TNS3: variants seen among roughly 807,000 people sequenced by gnomAD.
TNS3 encodes the protein tensin-3.
In TNS3, 45 loss-of-function variants were observed where a neutral mutation model predicts 140.9. The ratio of observed to expected loss-of-function variants is 0.32; its 90% CI spans 0.25 to 0.41. TNS3 has a LOEUF of 0.41. Among genes scored for constraint, TNS3 ranks in the 10% least tolerant of loss-of-function variants. The probability of loss-of-function intolerance (pLI) is 1.00; values close to 1 mark genes in which losing one functional copy is unlikely to be tolerated. For synonymous variants in TNS3, 815 were observed against 788.4 expected (o/e 1.03, Z -0.56); for missense variants, 1,716 against 1,906.7 (o/e 0.90, Z 1.86).
At chr7:47,410,152 G>A (rs1046857005) in intron 13 of TNS3, among the ~76,000 whole-genome samples, 2 of 152,276 alleles carry the variant, frequency 1.3e-5, no homozygotes, top group East Asian at 3.9e-4. Context: ...ACCACAGGAT[G>A]TGAGGAACAC....
chr7:47,399,072 C>T (rs888931918), intron 15 of TNS3, among the ~76,000 whole-genome samples: 2 of 108,108 alleles, frequency 1.8e-5, no homozygotes, highest in African/African-American at 6.4e-5. Context: ...ATTCTTTTTA[C>T]GACAGCTGAA....
At chr7:47,433,900 TCTCTCTC>T (rs1795047367) in intron 8 of TNS3, among the ~76,000 whole-genome samples, 1 of 151,134 alleles carries the variant, frequency 6.6e-6, no homozygotes, top group African/African-American at 2.5e-5. Flanking sequence ...TCTCTCTCTC[TCTCTCTC>T]TCTCTCTCTC....
intron 8 of TNS3, among the ~76,000 whole-genome samples, chr7:47,434,368 T>C (rs1466448268): frequency 2.6e-5 from 4 of 151,228 alleles, no homozygotes; most frequent in Non-Finnish European, 4.4e-5. Context: ...ACTTTGATGG[T>C]CCTAAGAATG....
chr7:47,297,798 T>A (rs2150667924), intron 23 of TNS3, among the ~76,000 whole-genome samples: 1 of 151,068 alleles, frequency 6.6e-6, no homozygotes, highest in East Asian at 1.9e-4. Context: ...TTTTTTTTTT[T>A]TTTTTTTGAG....
At chr7:47,419,171 C>G (rs985108395) in intron 10 of TNS3, among the ~76,000 whole-genome samples, 1 of 152,250 alleles carries the variant, frequency 6.6e-6, no homozygotes, top group African/African-American at 2.4e-5. Context: ...TCAGAGTAGA[C>G]CACAACACAT....
intron 16 of TNS3, among the ~76,000 whole-genome samples, chr7:47,394,070 T>C (rs1792685878): frequency 6.6e-6 from 1 of 152,210 alleles, no homozygotes; most frequent in Non-Finnish European, 1.5e-5. Context: ...GCTCAGAAGA[T>C]GCTGCATGAA....
intron 4 of TNS3, among the ~76,000 whole-genome samples, chr7:47,446,142 CT>C (rs1291587335): frequency 2.0e-5 from 3 of 152,184 alleles, no homozygotes; most frequent in Non-Finnish European, 2.9e-5. Context: ...GAGATAGAGT[CT>C]TGCTGTTGCA....
intron 20 of TNS3, among the ~76,000 whole-genome samples, chr7:47,342,475 G>T (rs1789075815): frequency 6.6e-6 from 1 of 152,208 alleles, no homozygotes; most frequent in South Asian, 2.1e-4. Context: ...TTTTAGATAA[G>T]GAGGTGGAGG....
chr7:47,440,615 T>C (rs1008109468), intron 5 of TNS3, among the ~76,000 whole-genome samples: 3 of 152,114 alleles, frequency 2.0e-5, no homozygotes, highest in Admixed American at 2.0e-4. Flanking sequence ...AGACCACAGA[T>C]TCTCCACCAG....
At chr7:47,506,878 G>A (rs1301182163) in intron 3 of TNS3, 29 bp downstream of exon 3, 12 of 1,286,976 alleles carry the variant, frequency 9.3e-6, no homozygotes, top group South Asian at 1.2e-5. Context: ...GCTATAAAAA[G>A]TCCCATGGGA....
At chr7:47,313,600 T>C (rs1787229125) in intron 20 of TNS3, among the ~76,000 whole-genome samples, 1 of 152,232 alleles carries the variant, frequency 6.6e-6, no homozygotes, top group South Asian at 2.1e-4. Context: ...TTTCTATGAC[T>C]GACATTGCTC....
At chr7:47,278,933 ATTTT>A (rs1180310938) in intron 30 of TNS3, 1 of 152,068 alleles carries the variant, frequency 6.6e-6, no homozygotes, top group African/African-American at 2.4e-5. Flanking sequence ...AAAATGAAGG[ATTTT>A]TTTTGTTTAA....
At chr7:47,416,793 G>T (rs181356695) in intron 10 of TNS3, among the ~76,000 whole-genome samples, 1 of 152,188 alleles carries the variant, frequency 6.6e-6, no homozygotes, top group Non-Finnish European at 1.5e-5. Context: ...CAAATTTTAC[G>T]CATTGTGGAT....
chr7:47,404,878 A>G (rs1178577015), intron 13 of TNS3, among the ~76,000 whole-genome samples: 1 of 152,058 alleles, frequency 6.6e-6, no homozygotes, highest in Non-Finnish European at 1.5e-5. Context: ...AGAGACACTC[A>G]GTCTCAAAAA....
intron 30 of TNS3, 173 bp from the exon 31 acceptor site, chr7:47,278,393 TCA>T: frequency 1.5e-6 from 1 of 670,352 alleles, no homozygotes; most frequent in Non-Finnish European, 2.5e-6. Flanking sequence ...CCTCCAGCCT[TCA>T]CAGACCTACA....
At chr7:47,476,812 T>A (rs1348612320) in intron 4 of TNS3, among the ~76,000 whole-genome samples, 1 of 152,220 alleles carries the variant, frequency 6.6e-6, no homozygotes, top group East Asian at 1.9e-4. Flanking sequence ...CCATGTAACA[T>A]ATGCCAAGTT....
chr7:47,284,690 G>T (rs1423513356), intron 27 of TNS3, among the ~76,000 whole-genome samples: 1 of 152,202 alleles, frequency 6.6e-6, no homozygotes, highest in Non-Finnish European at 1.5e-5. Flanking sequence ...CTGAGGAACA[G>T]AACTGCCCTC....
Position 47,488,317 on chromosome 7 carries a change from G to A in TNS3, c.-114-7176C>T, listed in dbSNP as rs7782834. On this transcript the variant is annotated intron_variant, in intron 3 of 30. Transcript: ENST00000311160. ...CCCAAGTGTTTATCTGCTTAAATAAGCAACAGTCTTAGCTCGGGTAAGGGG... is the reference window on the plus strand; with the variant it reads ...CCCAAGTGTTTATCTGCTTAAATAAACAACAGTCTTAGCTCGGGTAAGGGG... 7.7e-3 allele frequency among the ~76,000 whole-genome samples: 1,166 copies of A among 152,272 alleles called. 17 individuals are homozygous for A. Among genetic ancestry groups the A allele is most frequent in the African/African-American group, 0.027 (1,110 of 41,540 alleles).
intron 2 of TNS3, among the ~76,000 whole-genome samples, chr7:47,524,993 T>C (rs1304370327): frequency 1.3e-5 from 2 of 152,022 alleles, no homozygotes; most frequent in African/African-American, 2.4e-5. Flanking sequence ...TGAAAAAAGG[T>C]ACATGGCTGT....
Sources: allele counts gnomAD v4.1 joint callset (sites outside exome capture counted in the v4.1 genomes callset), GRCh38; gene constraint gnomAD v4.1.1; transcripts MANE v1.5; gene names NCBI Gene and HGNC (gene_info 2026-07-23, HGNC 2026-07-21).